CORO1B: variants seen among roughly 807,000 people sequenced by gnomAD.
CORO1B encodes coronin 1B, also known as coronin-1B.
A neutral mutation model predicts 51.1 loss-of-function variants in CORO1B; 30 were observed. That is an observed-to-expected ratio of 0.59 (90% CI 0.44 to 0.80). The LOEUF (loss-of-function observed/expected upper bound fraction) is 0.80, where lower values mean the gene tolerates loss of function less well. Among genes scored for constraint, CORO1B ranks in the 30% least tolerant of loss-of-function variants. The pLI is 0.00. For missense variants in CORO1B, 648 were observed against 700.4 expected (o/e 0.93, Z 0.84); for synonymous variants, 310 against 289.7 (o/e 1.07, Z -0.71).
At position 67,440,110 on chromosome 11, in the gene CORO1B, C is replaced by G; in HGVS notation, c.1007+8G>C. On this transcript the variant is annotated splice_region_variant and intron_variant, in intron 8 of 10. Transcript: ENST00000341356. ...CCTATCCCCGAGTGGCCTCGGTAGC[C>G]CTCTTACCGGGCGATCTCGCACTTG... is the stretch of plus-strand genomic sequence containing the variant. 1 of 1,607,096 alleles carries G rather than the reference C, an allele frequency of 6.2e-7. No individual in the cohort carries two copies. The highest frequency in any genetic ancestry group is 1.1e-5 in the South Asian group (1 of 90,472).
Position 67,436,030 on chromosome 11 carries a change from C to T in CORO1B, c.*2346G>A, listed in dbSNP as rs1864264944. The stretch of plus-strand genomic sequence containing the variant: ...GGTCATAGTCTGTGTCCTGCTCATC[C>T]TCCTGTCGCTCAAGGTCATTGTCTG... On this transcript the variant is annotated 3_prime_UTR_variant, in exon 11 of 11. Coordinates refer to ENST00000341356, the MANE Select transcript of CORO1B (RefSeq NM_020441.3). 1.9e-6 allele frequency: 3 copies of T among 1,613,530 alleles called. No homozygotes were observed. The highest frequency in any genetic ancestry group is 2.7e-5 in the African/African-American group (2 of 74,904).
chr11:67,441,545 G>T (rs781156261), intron 4 of CORO1B, 31 bp from the exon 5 acceptor site: 2 of 1,600,150 alleles, frequency 1.2e-6, no homozygotes, highest in East Asian at 4.5e-5. Context: ...GCTCGGGCCG[G>T]GTGGGTGGCA....
Position 67,436,322 on chromosome 11 carries a change from A to T in CORO1B, c.*2054T>A. 6.6e-7 allele frequency: 1 copy of T among 1,510,908 alleles called. No individual in the cohort carries two copies. Among genetic ancestry groups the T allele is most frequent in the East Asian group, 2.4e-5 (1 of 40,832 alleles). The allele number at this position is 1,510,908 out of a possible 1,614,324, so 93.6% of individuals were successfully genotyped here. A position where few individuals can be genotyped will look rare whatever the true frequency, so the allele number is the denominator to read the frequency against. ...CAAGGCCCCTGGCAGGGCCAGCAGC[A>T]TCCCGAGCCCTAAGGTGCAGGGCAG... On this transcript the variant is annotated 3_prime_UTR_variant, in exon 11 of 11. Coordinates refer to ENST00000341356, the MANE Select transcript of CORO1B (RefSeq NM_020441.3).
At chr11:67,440,992 G>T in intron 6 of CORO1B, 133 bp downstream of exon 6, 2 of 1,359,284 alleles carry the variant, frequency 1.5e-6, no homozygotes, top group Non-Finnish European at 2.1e-6. Context: ...GTCTGACAGA[G>T]TCCTAGGCCC....
rs372338111 is a variant in CORO1B, at chr11:67,440,225, C to A, written c.900G>T (p.Glu300Asp). 3 of 1,613,936 alleles carry A rather than the reference C, an allele frequency of 1.9e-6. No individual in the cohort carries two copies. The highest frequency in any genetic ancestry group is 1.7e-6 in the Non-Finnish European group (2 of 1,179,978). ...TGTTCAGGAAGTGGATGTAGGGAGG[C>A]TCCTCTGTGATCTCAAAGTACCGGA... ...SSIRYFEITE[E>D]PPYIHFLNTF... Residue 300 changes from glutamate (E) to aspartate (D), a missense_variant, in exon 8 of 11, where the codon GAG becomes GAT. By Grantham distance (45) the Glu-to-Asp change is conservative. Coordinates refer to ENST00000341356, the MANE Select transcript of CORO1B (RefSeq NM_020441.3).
Position 67,436,303 on chromosome 11 carries a change from C to T in CORO1B, c.*2073G>A. The T allele has an allele frequency of 6.5e-7, 1 of 1,526,918 alleles. No homozygotes were observed. The highest frequency in any genetic ancestry group is 8.8e-7 in the Non-Finnish European group (1 of 1,140,184). 94.6% of individuals were successfully genotyped at this position (1,526,918 alleles called of 1,614,324 possible). A position where few individuals can be genotyped will look rare whatever the true frequency, so the allele number is the denominator to read the frequency against. ...CCGCGCTGCCACCCGAGCCCAAGGC[C>T]CCTGGCAGGGCCAGCAGCATCCCGA... is the stretch of plus-strand genomic sequence containing the variant. On this transcript the variant is annotated 3_prime_UTR_variant, in exon 11 of 11. Transcript: ENST00000341356.
In CORO1B at chr11:67,441,875, C is replaced by G; in HGVS notation, c.325-13G>C. The G allele has an allele frequency of 8.1e-6, 13 of 1,613,188 alleles. No homozygotes were observed. The highest frequency in any genetic ancestry group is 1.1e-5 in the Non-Finnish European group (13 of 1,180,002). ...GGATCTGCCACACCTGTGGTAGGGACAGGGCCACCGAGCTCAGTCCTCTGC... is the reference window on the plus strand; with the variant it reads ...GGATCTGCCACACCTGTGGTAGGGAGAGGGCCACCGAGCTCAGTCCTCTGC... On this transcript the variant is annotated splice_polypyrimidine_tract_variant and intron_variant, in intron 3 of 10. Transcript: ENST00000341356.
rs777817206 is a variant in CORO1B, at chr11:67,442,413, C to A, written c.201+15G>T. 1.2e-6 allele frequency: 2 copies of A among 1,611,968 alleles called. No homozygotes were observed. The highest frequency in any genetic ancestry group is 1.7e-5 in the Admixed American group (1 of 60,008). ...CCGAGGTGCCTCCTCTTCCCCCAAC[C>A]CTGACAGGACCCACCTTGCTTAGGG... On this transcript the variant is annotated intron_variant, in intron 2 of 10. Coordinates refer to ENST00000341356, the MANE Select transcript of CORO1B (RefSeq NM_020441.3).
At chr11:67,440,702 C>A in intron 6 of CORO1B, 1 of 664,754 alleles carries the variant, frequency 1.5e-6, no homozygotes. Context: ...TGAAACATAC[C>A]TCACTGTGGG....
intron 8 of CORO1B, 60 bp from the exon 9 acceptor site, chr11:67,439,903 G>T: frequency 7.4e-7 from 1 of 1,350,906 alleles, no homozygotes; most frequent in Non-Finnish European, 1.0e-6. Flanking sequence ...CCCACCGCCA[G>T]CTCTCCTGGC....
chr11:67,442,913 G>T (rs546247620), intron 1 of CORO1B, among the ~76,000 whole-genome samples: 2 of 152,306 alleles, frequency 1.3e-5, no homozygotes, highest in South Asian at 4.1e-4. Context: ...GGTGTGTGTC[G>T]GGGGCAGGAG....
chr11:67,442,815 G>T (rs1864425341), intron 1 of CORO1B, among the ~76,000 whole-genome samples, 185 bp from the exon 2 acceptor site: 1 of 152,192 alleles, frequency 6.6e-6, no homozygotes. Flanking sequence ...TCACCCCGCA[G>T]GCAGTGATCT....
rs1459699490 is a variant in CORO1B, at chr11:67,436,139, G to A, written c.*2237C>T. 2 of 1,578,572 alleles carry A rather than the reference G, an allele frequency of 1.3e-6. No homozygotes were observed. Among genetic ancestry groups the A allele is most frequent in the Non-Finnish European group, 1.7e-6 (2 of 1,162,154 alleles). ...GCGCCGCGTGCGGCCCCACAGCGCG[G>A]CACCTAGGCGGGCCGGGTGGTAGTA... On this transcript the variant is annotated 3_prime_UTR_variant, in exon 11 of 11. Coordinates refer to ENST00000341356, the MANE Select transcript of CORO1B (RefSeq NM_020441.3).
chr11:67,438,556 A>G, intron 10 of CORO1B, 55 bp from the exon 11 acceptor site: 1 of 1,569,762 alleles, frequency 6.4e-7, no homozygotes, highest in Non-Finnish European at 8.7e-7. Flanking sequence ...GCTAAGCCAT[A>G]GCCCTCCCAA....
Position 67,442,456 on chromosome 11 carries a change from C to A in CORO1B, c.173G>T (p.Gly58Val). 1.9e-6 allele frequency: 3 copies of A among 1,613,372 alleles called. No homozygotes were observed. The highest frequency in any genetic ancestry group is 2.5e-6 in the Non-Finnish European group (3 of 1,180,018). The change falls in exon 2 of 11, where the codon GGT (glycine) becomes GTT (valine). Residue 58 changes from glycine (G) to valine (V), a missense_variant. Transcript: ENST00000341356. ...GCTTAGGGGGAGCACCAGAAAGGCA[C>A]CCCCTCCACTGGCCTCCACAATCAC... ...LAVIVEASGG[G>V]AFLVLPLSKT...
Position 67,435,895 on chromosome 11 carries a change from ACT to A in CORO1B, c.*2479_*2480del. 6.2e-7 allele frequency: 1 copy of A among 1,612,300 alleles called. No individual in the cohort carries two copies. Among genetic ancestry groups the A allele is most frequent in the Non-Finnish European group, 8.5e-7 (1 of 1,179,558 alleles). ...CGAGGACCAGGTCGCCCTCCGTGTC[ACT>A]GTCTCTGGCTTCCTCAGCCCGCACG... On this transcript the variant is annotated 3_prime_UTR_variant, in exon 11 of 11. Transcript: ENST00000341356.
At position 67,438,907 on chromosome 11, in the gene CORO1B, G is replaced by T. The variant is rs761632617; in HGVS notation, c.1108C>A (p.Pro370Thr). 6.2e-7 allele frequency: 1 copy of T among 1,609,292 alleles called. No homozygotes were observed. The highest frequency in any genetic ancestry group is 8.5e-7 in the Non-Finnish European group (1 of 1,178,992). Residue 370 changes from proline to threonine, a missense_variant, in exon 10 of 11, where the codon CCC (proline) becomes ACC (threonine). Physicochemically the swap from Pro to Thr is conservative, Grantham distance 38. Transcript: ENST00000341356. Reference sequence around the variant, plus strand: ...TCCTCAGCCTCCAGGGCTGCCTCGGGCCCGGCTGTGTCGGGGTACAGATCA... The same window carrying T: ...TCCTCAGCCTCCAGGGCTGCCTCGGTCCCGGCTGTGTCGGGGTACAGATCA... ...QDDLYPDTAG[P>T]EAALEAEEWV... is the part of the protein sequence containing the mutation.
rs1406853865 is a variant in CORO1B at position 67,436,074 on chromosome 11, G to A, written c.*2302C>T. The A allele has an allele frequency of 3.7e-6, 6 of 1,612,278 alleles. No individual in the cohort carries two copies. Among genetic ancestry groups the A allele is most frequent in the African/African-American group, 1.3e-5 (1 of 74,876 alleles). On this transcript the variant is annotated 3_prime_UTR_variant, in exon 11 of 11. Transcript: ENST00000341356. ...TTGTCTGTGGACCCCAGCTCAGCTCGGGCCTGCAGCCAGCGACCTGGGGGG... is the reference window on the plus strand; with the variant it reads ...TTGTCTGTGGACCCCAGCTCAGCTCAGGCCTGCAGCCAGCGACCTGGGGGG...
In CORO1B at chr11:67,441,127, G is replaced by C. The variant is rs1302990495; in HGVS notation, c.754C>G (p.Pro252Ala). 3 of 1,612,856 alleles carry C rather than the reference G, an allele frequency of 1.9e-6. No homozygotes were observed. The highest frequency in any genetic ancestry group is 3.3e-5 in the Admixed American group (2 of 60,012). Residue 252 changes from proline to alanine, a missense_variant and splice_region_variant, in exon 6 of 11, where the codon CCA becomes GCA. By Grantham distance (27) the Pro-to-Ala change is conservative. Coordinates refer to ENST00000341356, the MANE Select transcript of CORO1B (RefSeq NM_020441.3). ...MSERQLALWD[P>A]ENLEEPMALQ... ...GCCCCCTCAGGCTGGCCACTCACTG[G>C]GTCCCAGAGCGCCAGCTGCCGCTCG...
Sources: allele counts gnomAD v4.1 joint callset (sites outside exome capture counted in the v4.1 genomes callset), GRCh38; gene constraint gnomAD v4.1.1; transcripts MANE v1.5; gene names NCBI Gene and HGNC (gene_info 2026-07-23, HGNC 2026-07-21).